PRDM10: variants seen among roughly 807,000 people sequenced by gnomAD.
PRDM10 encodes the protein PR/SET domain 10.
A neutral mutation model predicts 133.1 loss-of-function variants in PRDM10; 65 were observed. The observed-to-expected ratio is 0.49, with a 90% CI of 0.40 to 0.60. The LOEUF is 0.60. Among genes scored for constraint, PRDM10 ranks in the 20% least tolerant of loss-of-function variants. The probability of loss-of-function intolerance (pLI) is 0.00; values close to 1 mark genes in which losing one functional copy is unlikely to be tolerated. For missense variants in PRDM10, 1,137 were observed against 1,507.1 expected, an observed-to-expected ratio of 0.75 and a Z score of 4.07; for synonymous variants, 582 against 580.4, an observed-to-expected ratio of 1.00 and a Z score of -0.04.
chr11:129,963,393 AGAG>A (rs1198449618), intron 1 of PRDM10, among the ~76,000 whole-genome samples: 1 of 114,366 alleles, frequency 8.7e-6, no homozygotes, highest in Non-Finnish European at 1.6e-5. Context: ...AGAGAAGAGA[AGAG>A]AAGAGAAGAG....
At chr11:129,980,196 A>G (rs1388272740) in intron 1 of PRDM10, among the ~76,000 whole-genome samples, 1 of 152,072 alleles carries the variant, frequency 6.6e-6, no homozygotes, top group Non-Finnish European at 1.5e-5. Context: ...ACTGCTAGGT[A>G]CAGACCCTGG....
chr11:129,944,946 G>A lies in PRDM10; in HGVS notation c.587C>T (p.Pro196Leu). 5.6e-6 allele frequency: 9 copies of A among 1,613,910 alleles called. No individual in the cohort carries two copies. Among genetic ancestry groups the A allele is most frequent in the Non-Finnish European group, 7.6e-6 (9 of 1,179,970 alleles). Reference sequence around the variant, plus strand: ...GGCCCGGGTGAGCACCGGCCGGTTGGGGATCGGGTGCAAGGGGCCGTGCTT... The same window carrying A: ...GGCCCGGGTGAGCACCGGCCGGTTGAGGATCGGGTGCAAGGGGCCGTGCTT... ...CPKHGPLHPI[P>L]NRPVLTRARA... The change falls in exon 6 of 21, where the codon CCC (proline) becomes CTC (leucine). Residue 196 changes from proline (P) to leucine (L), a missense_variant. Physicochemically the swap from Pro to Leu is moderately conservative, Grantham distance 98. Around this residue, in one of 6 missense-constraint regions of PRDM10, gnomAD observed 635 missense variants for 835.2 expected, o/e 0.76. Coordinates refer to ENST00000360871, the MANE Select transcript of PRDM10 (RefSeq NM_199437.2).
Position 129,918,655 on chromosome 11 carries a change from C to A in PRDM10, c.2098G>T (p.Ala700Ser). ...GTCTTGGAGCGGCTGATGCGGTCGG[C>A]TTTCTTGGCCTCCCTCTCAGGATTA... ...MHNPEREAKK[A>S]DRISRSKTFK... The change falls in exon 14 of 21, where the codon GCC (alanine) becomes TCC (serine). Residue 700 changes from alanine to serine, a missense_variant. Coordinates refer to ENST00000360871, the MANE Select transcript of PRDM10 (RefSeq NM_199437.2). The surrounding 1 kb of genome is among the most constrained non-coding windows in gnomAD (Gnocchi z 5.3). 6.2e-7 allele frequency: 1 copy of A among 1,614,154 alleles called. No individual in the cohort carries two copies. The highest frequency in any genetic ancestry group is 1.1e-5 in the South Asian group (1 of 91,082).
At chr11:129,971,780 C>G (rs1952031654) in intron 1 of PRDM10, among the ~76,000 whole-genome samples, 1 of 152,246 alleles carries the variant, frequency 6.6e-6, no homozygotes, top group African/African-American at 2.4e-5. Flanking sequence ...CCCAGTGGAT[C>G]CCGCACCGGG....
intron 13 of PRDM10, among the ~76,000 whole-genome samples, chr11:129,921,051 C>T (rs1178562528): frequency 6.6e-6 from 1 of 152,176 alleles, no homozygotes; most frequent in Non-Finnish European, 1.5e-5. Context: ...CCCACCTTGG[C>T]CTCCCAAAGT....
chr11:129,912,216 G>A lies in PRDM10; in HGVS notation c.2851C>T (p.Pro951Ser). The change falls in exon 18 of 21, where the codon CCT (proline) becomes TCT (serine). Residue 951 changes from proline to serine, a missense_variant. Pro to Ser is a moderately conservative substitution (Grantham distance 74, BLOSUM62 -1). This residue lies in a region of PRDM10 where 243 missense variants were observed against 259.2 expected (regional missense o/e 0.94). Coordinates refer to ENST00000360871, the MANE Select transcript of PRDM10 (RefSeq NM_199437.2). Reference protein sequence around the residue: ...QVVQVASATSPHQSQQSTVDV... With the variant: ...QVVQVASATSSHQSQQSTVDV... ...ACAGTGGACTGCTGTGACTGGTGAGGGGAAGTGGCCTGGAAGGAGAAAAAA... is the reference window on the plus strand; with the variant it reads ...ACAGTGGACTGCTGTGACTGGTGAGAGGAAGTGGCCTGGAAGGAGAAAAAA... 6.3e-7 allele frequency: 1 copy of A among 1,589,960 alleles called. No homozygotes were observed. The highest frequency in any genetic ancestry group is 8.6e-7 in the Non-Finnish European group (1 of 1,165,580).
chr11:129,908,829 T>C lies in PRDM10; in HGVS notation c.3163+1647A>G, dbSNP rs568603408. Among the ~76,000 whole-genome samples the C allele has an allele frequency of 1.1e-3, 163 of 152,044 alleles. 1 individual carries two copies. Among genetic ancestry groups the C allele is most frequent in the Non-Finnish European group, 1.8e-3 (124 of 67,950 alleles). ...TCACCCAGGCTGGAGTGCAGTGGCA[T>C]GATCTTTCTGCCTCAGCCTCCTGAG... is the stretch of plus-strand genomic sequence containing the variant. On this transcript the variant is annotated intron_variant, in intron 19 of 20. Transcript: ENST00000360871.
intron 19 of PRDM10, among the ~76,000 whole-genome samples, chr11:129,906,267 G>C (rs1950012057): frequency 6.6e-6 from 1 of 152,188 alleles, no homozygotes; most frequent in Non-Finnish European, 1.5e-5. Context: ...TTCCAGACCT[G>C]GGCAGAAAGC....
At chr11:129,936,917 T>C (rs1215689017) in intron 8 of PRDM10, among the ~76,000 whole-genome samples, 2 of 152,224 alleles carry the variant, frequency 1.3e-5, no homozygotes, top group African/African-American at 2.4e-5. Flanking sequence ...TGTTTTACAT[T>C]CATACACTAG....
At chr11:129,984,085 G>C (rs1938265860) in intron 1 of PRDM10, among the ~76,000 whole-genome samples, 1 of 152,030 alleles carries the variant, frequency 6.6e-6, no homozygotes, top group African/African-American at 2.4e-5. Flanking sequence ...TTCCCCCTAG[G>C]CTTCCCCTCC....
intron 11 of PRDM10, among the ~76,000 whole-genome samples, chr11:129,929,756 C>CAAAAAA (rs67664190): frequency 3.1e-4 from 28 of 90,150 alleles, no homozygotes; most frequent in African/African-American, 9.5e-4. Flanking sequence ...TTTTTCCTTC[C>CAAAAAA]AAAAAAAAAA....
intron 1 of PRDM10, among the ~76,000 whole-genome samples, chr11:129,994,904 C>T (rs1366199402): frequency 3.9e-5 from 6 of 152,174 alleles, no homozygotes; most frequent in Non-Finnish European, 7.3e-5. Flanking sequence ...CCGCCTGCCT[C>T]GGCCTCCCAA....
At chr11:129,936,298 T>C (rs1951026890) in intron 8 of PRDM10, among the ~76,000 whole-genome samples, 1 of 151,690 alleles carries the variant, frequency 6.6e-6, no homozygotes, top group East Asian at 1.9e-4. Context: ...ATATATTAGC[T>C]ATATAGATCT....
chr11:129,969,073 A>G (rs773037609), intron 1 of PRDM10, among the ~76,000 whole-genome samples: 3 of 152,280 alleles, frequency 2.0e-5, no homozygotes, highest in East Asian at 1.9e-4. Context: ...TAGCAAAAAC[A>G]TATGTTCAGA....
At chr11:130,002,143 GCCCGGCCCCCAGCC>G (rs1250614148) in intron 1 of PRDM10, among the ~76,000 whole-genome samples, 5 of 149,484 alleles carry the variant, frequency 3.3e-5, no homozygotes, top group Non-Finnish European at 4.5e-5. Flanking sequence ...CCAGCCCGGC[GCCCGGCCCCCAGCC>G]CCCGGTGCTC....
At chr11:129,962,316 G>A (rs1951811910) in intron 1 of PRDM10, among the ~76,000 whole-genome samples, 2 of 152,308 alleles carry the variant, frequency 1.3e-5, no homozygotes, top group South Asian at 4.1e-4. Flanking sequence ...AAAGACCAAA[G>A]AAGAAAGAAA....
At chr11:129,955,488 A>C in intron 4 of PRDM10, 24 bp downstream of exon 4, 6 of 1,612,426 alleles carry the variant, frequency 3.7e-6, no homozygotes, top group Non-Finnish European at 5.1e-6. Flanking sequence ...GTTATCCCCA[A>C]ACAAGAAAAA....
intron 1 of PRDM10, among the ~76,000 whole-genome samples, chr11:129,969,520 A>G (rs1014497417): frequency 6.6e-6 from 1 of 152,098 alleles, no homozygotes; most frequent in African/African-American, 2.4e-5. Flanking sequence ...AAGGCCTGGC[A>G]CAGTGGCTCA....
rs367598377 is a variant in PRDM10, at chr11:129,969,543, CA to C, written c.-118-8462del. 8.0e-3 allele frequency among the ~76,000 whole-genome samples: 1,221 copies of C among 151,930 alleles called. 8 individuals are homozygous for C. Among genetic ancestry groups the C allele is most frequent in the Non-Finnish European group, 0.012 (793 of 67,986 alleles). On this transcript the variant is annotated intron_variant, in intron 1 of 20. Transcript: ENST00000360871. ...GCACAGTGGCTCATGCCTGTAATCC[CA>C]GCACTTTGGGAGGCCAAGGTGGGCG...
Sources: gnomAD v4.1 joint callset for allele counts (sites outside exome capture counted in the v4.1 genomes callset) on GRCh38, gnomAD v4.1.1 for gene constraint, gnomAD v4.1.1 regional missense constraint, Gnocchi (gnomAD v3.1) non-coding constraint, MANE v1.5 for transcripts, NCBI Gene and HGNC (gene_info 2026-07-23, HGNC 2026-07-21) for gene names.